VPS13B: variants seen among roughly 807,000 people sequenced by gnomAD.
VPS13B encodes intermembrane lipid transfer protein VPS13B.
Under a neutral mutation model 426.4 loss-of-function variants are expected in VPS13B, and 285 were observed. The ratio of observed to expected loss-of-function variants is 0.67; its 90% CI spans 0.61 to 0.74. The LOEUF (loss-of-function observed/expected upper bound fraction) is 0.74, where lower values mean the gene tolerates loss of function less well. Among genes scored for constraint, VPS13B ranks in the 30% least tolerant of loss-of-function variants. The probability of loss-of-function intolerance (pLI) is 0.00; values close to 1 mark genes in which losing one functional copy is unlikely to be tolerated. For missense variants in VPS13B, 4,537 were observed against 4,782.6 expected (o/e 0.95, Z 1.51); for synonymous variants, 1,676 against 1,676.4 (o/e 1.00, Z 0.01).
At chr8:99,811,387 G>T (rs1813691635) in intron 44 of VPS13B, among the ~76,000 whole-genome samples, 1 of 152,128 alleles carries the variant, frequency 6.6e-6, no homozygotes, top group Non-Finnish European at 1.5e-5. Flanking sequence ...TTTCCCCTTG[G>T]TTTTCTTCTC....
intron 24 of VPS13B, among the ~76,000 whole-genome samples, chr8:99,473,759 G>A (rs1741964846): frequency 1.3e-5 from 2 of 152,220 alleles, no homozygotes; most frequent in South Asian, 2.1e-4. Flanking sequence ...AACCCCAAAG[G>A]AGTCTAATAA....
intron 4 of VPS13B, among the ~76,000 whole-genome samples, chr8:99,098,485 G>T (rs558456307): frequency 1.3e-5 from 2 of 151,986 alleles, no homozygotes; most frequent in Non-Finnish European, 2.9e-5. Context: ...CAATCCTGTT[G>T]TATAACTCTT....
chr8:99,051,981 G>T (rs1843582159), intron 3 of VPS13B, among the ~76,000 whole-genome samples: 1 of 152,136 alleles, frequency 6.6e-6, no homozygotes, highest in African/African-American at 2.4e-5. Context: ...CACAAACAGG[G>T]ACAATTTGAC....
At chr8:99,536,234 C>T (rs142671151) in intron 30 of VPS13B, among the ~76,000 whole-genome samples, 20 of 152,222 alleles carry the variant, frequency 1.3e-4, no homozygotes, top group Non-Finnish European at 7.4e-5. Flanking sequence ...CAGATGCCAG[C>T]CACCGTGCCC....
chr8:99,244,907 G>A (rs1817131855), intron 17 of VPS13B, among the ~76,000 whole-genome samples: 1 of 152,174 alleles, frequency 6.6e-6, no homozygotes, highest in African/African-American at 2.4e-5. Context: ...TACATGTGTG[G>A]TGCATGGATG....
At chr8:99,320,534 A>G (rs942744955) in intron 19 of VPS13B, among the ~76,000 whole-genome samples, 3 of 152,176 alleles carry the variant, frequency 2.0e-5, no homozygotes, top group Non-Finnish European at 4.4e-5. Context: ...GATTCAAACC[A>G]TTTACTAATG....
intron 40 of VPS13B, among the ~76,000 whole-genome samples, chr8:99,775,539 C>A (rs1471182372): frequency 6.6e-6 from 1 of 152,206 alleles, no homozygotes; most frequent in Non-Finnish European, 1.5e-5. Flanking sequence ...CCGTGCACAG[C>A]AGCAGCCACC....
chr8:99,853,133 C>G (rs952947458), intron 55 of VPS13B, among the ~76,000 whole-genome samples: 4 of 152,048 alleles, frequency 2.6e-5, no homozygotes, highest in African/African-American at 9.7e-5. Context: ...CTCTTTCTGT[C>G]TTGTGATCAT....
intron 17 of VPS13B, among the ~76,000 whole-genome samples, chr8:99,195,679 A>G (rs1300845385): frequency 6.6e-6 from 1 of 152,186 alleles, no homozygotes; most frequent in Non-Finnish European, 1.5e-5. Flanking sequence ...TTCTTCTAGT[A>G]GATTTACGTT....
chr8:99,084,349 T>A (rs1845650580), intron 3 of VPS13B, among the ~76,000 whole-genome samples: 1 of 152,184 alleles, frequency 6.6e-6, no homozygotes, highest in African/African-American at 2.4e-5. Flanking sequence ...TCTCTTTTCT[T>A]CTTTATTACT....
At chr8:99,840,191 TAAAGTA>T (rs975854285) in intron 54 of VPS13B, among the ~76,000 whole-genome samples, 3 of 152,266 alleles carry the variant, frequency 2.0e-5, no homozygotes, top group Non-Finnish European at 2.9e-5. Context: ...CTTCCATTAA[TAAAGTA>T]AAAGATAGAG....
At chr8:99,697,566 T>C (rs1394422756) in intron 35 of VPS13B, 3 of 691,660 alleles carry the variant, frequency 4.3e-6, no homozygotes, top group Non-Finnish European at 5.3e-6. Context: ...AGCGAGAACA[T>C]GCAAGAGATC....
At chr8:99,806,405 A>G (rs932330736) in intron 43 of VPS13B, among the ~76,000 whole-genome samples, 3 of 152,100 alleles carry the variant, frequency 2.0e-5, no homozygotes, top group Admixed American at 6.6e-5. Context: ...CTGCTTCCCA[A>G]TGTTTTCTTA....
chr8:99,156,765 GT>G, intron 15 of VPS13B, 22 bp downstream of exon 15: 1 of 1,613,076 alleles, frequency 6.2e-7, no homozygotes. Flanking sequence ...GAATTTTCTT[GT>G]TTGTTAGCAT....
intron 16 of VPS13B, among the ~76,000 whole-genome samples, chr8:99,173,837 A>C (rs1357002664): frequency 1.3e-5 from 2 of 152,212 alleles, no homozygotes; most frequent in Non-Finnish European, 2.9e-5. Flanking sequence ...CACACAGTTA[A>C]TTAATATCAG....
chr8:99,420,330 C>A (rs1563720184), intron 21 of VPS13B, among the ~76,000 whole-genome samples: 1 of 152,012 alleles, frequency 6.6e-6, no homozygotes, highest in Non-Finnish European at 1.5e-5. Context: ...TTTAGAGTTA[C>A]CATTTAATCA....
intron 39 of VPS13B, among the ~76,000 whole-genome samples, chr8:99,743,687 C>G (rs1211854003): frequency 1.3e-5 from 2 of 152,188 alleles, no homozygotes; most frequent in Non-Finnish European, 2.9e-5. Context: ...CTACAACCAT[C>G]TGATCTTTGA....
chr8:99,755,822 G>A (rs1039631904), intron 39 of VPS13B, among the ~76,000 whole-genome samples: 3 of 151,754 alleles, frequency 2.0e-5, no homozygotes, highest in Non-Finnish European at 4.4e-5. Flanking sequence ...GGAAGAGGAA[G>A]GATCTGATTT....
chr8:99,505,959 A>G (rs2133621308), intron 27 of VPS13B, among the ~76,000 whole-genome samples: 1 of 152,350 alleles, frequency 6.6e-6, no homozygotes, highest in East Asian at 1.9e-4. Flanking sequence ...AAATCTGTTC[A>G]TAAATATATA....
Sources: allele counts gnomAD v4.1 joint callset (sites outside exome capture counted in the v4.1 genomes callset), GRCh38; gene constraint gnomAD v4.1.1; transcripts MANE v1.5; gene names NCBI Gene and HGNC (gene_info 2026-07-23, HGNC 2026-07-21).